ITGAM: variants seen among roughly 807,000 people sequenced by gnomAD.
ITGAM encodes integrin alpha-M.
In ITGAM, 79 loss-of-function variants were observed where a neutral mutation model predicts 137.5. That is an observed-to-expected ratio of 0.57 (90% confidence interval 0.48 to 0.69). The LOEUF (loss-of-function observed/expected upper bound fraction) is 0.69. ITGAM is among the 30% of genes least tolerant of loss of function. The probability of loss-of-function intolerance (pLI) is 0.00; values close to 1 mark genes in which losing one functional copy is unlikely to be tolerated. For missense variants in ITGAM, 1,343 were observed against 1,483.5 expected, an observed-to-expected ratio of 0.91 and a Z score of 1.56; for synonymous variants, 583 against 592.3, an observed-to-expected ratio of 0.98 and a Z score of 0.23.
chr16:31,325,355 C>G lies in ITGAM; in HGVS notation c.2456C>G (p.Thr819Ser). The change falls in exon 20 of 30, where the codon ACC (threonine) becomes AGC (serine). Residue 819 changes from threonine (T) to serine (S), a missense_variant. Physicochemically the swap from Thr to Ser is moderately conservative, Grantham distance 58 (BLOSUM62 1). Coordinates refer to ENST00000544665, the MANE Select transcript of ITGAM (RefSeq NM_000632.4). ...GAGGACTCCTACAGGACACAGGTCA[C>G]CTTCTTCTTCCCGCTTGACCTGTCC... Reference protein sequence around the residue: ...DGEDSYRTQVTFFFPLDLSYR... With the variant: ...DGEDSYRTQVSFFFPLDLSYR... 6.2e-7 allele frequency: 1 copy of G among 1,613,948 alleles called. No individual in the cohort carries two copies. Among genetic ancestry groups the G allele is most frequent in the Non-Finnish European group, 8.5e-7 (1 of 1,179,832 alleles).
intron 2 of ITGAM, among the ~76,000 whole-genome samples, chr16:31,262,380 CTTCCTTCCTTCCTTCCTTCCTTCA>C (rs2079714209): frequency 7.0e-6 from 1 of 141,968 alleles, no homozygotes; most frequent in African/African-American, 2.7e-5. Context: ...TCCTTCCTTC[CTTCCTTCCTTCCTTCCTTCCTTCA>C]TTTCTTTCTT....
intron 12 of ITGAM, among the ~76,000 whole-genome samples, chr16:31,287,961 C>T (rs1225507197): frequency 6.6e-6 from 1 of 152,092 alleles, no homozygotes; most frequent in Non-Finnish European, 1.5e-5. Context: ...CAAGTACACG[C>T]ACATTACCAT....
chr16:31,285,822 A>T (rs2080023514), intron 12 of ITGAM, among the ~76,000 whole-genome samples: 1 of 147,476 alleles, frequency 6.8e-6, no homozygotes, highest in Non-Finnish European at 1.5e-5. Context: ...TTTTAGAGAC[A>T]GGGTCTCACT....
chr16:31,310,904 CTTCT>C (rs1355630756), intron 14 of ITGAM, among the ~76,000 whole-genome samples: 4 of 152,050 alleles, frequency 2.6e-5, no homozygotes, highest in African/African-American at 7.2e-5. Context: ...GTTAGTTTTC[CTTCT>C]AACAGTCAGG....
intron 24 of ITGAM, among the ~76,000 whole-genome samples, 196 bp from the exon 25 acceptor site, chr16:31,329,602 C>T (rs1327488174): frequency 6.6e-6 from 1 of 152,136 alleles, no homozygotes; most frequent in Non-Finnish European, 1.5e-5. Flanking sequence ...GGTCTCCCAC[C>T]GAGTAAGTGG....
rs374240979 is a variant in ITGAM at position 31,326,944 on chromosome 16, T to A, written c.2708+9T>A. ...AAGGCCAATGTGACCAGGTGCTCTC[T>A]GCTACCAGGCTTCTGCAGGCAGTTG... is the stretch of plus-strand genomic sequence containing the variant. On this transcript the variant is annotated intron_variant, in intron 22 of 29. Transcript: ENST00000544665. 44 of 1,606,210 alleles carry A rather than the reference T, an allele frequency of 2.7e-5. No individual in the cohort carries two copies. The highest frequency in any genetic ancestry group is 3.6e-5 in the Non-Finnish European group (42 of 1,172,906).
In ITGAM at chr16:31,310,745, C is replaced by T. The variant is rs1049606664; in HGVS notation, c.1708-10496C>T. On this transcript the variant is annotated intron_variant, in intron 14 of 29. Transcript: ENST00000544665. ...TTGTTCCGTTGCTGGTGAGGAGCTGCGTTCCTTTGTAGGAGGAGAGGCGCT... is the reference window on the plus strand; with the variant it reads ...TTGTTCCGTTGCTGGTGAGGAGCTGTGTTCCTTTGTAGGAGGAGAGGCGCT... Among the ~76,000 whole-genome samples the T allele has an allele frequency of 3.3e-5, 5 of 152,316 alleles. No homozygotes were observed. In the East Asian group the frequency reaches 5.8e-4, roughly 18 times the overall value.
chr16:31,321,149 G>A (rs1255199450), intron 14 of ITGAM, 92 bp from the exon 15 acceptor site: 1 of 1,411,924 alleles, frequency 7.1e-7, no homozygotes, highest in Non-Finnish European at 9.8e-7. Context: ...AGAGCTTAGA[G>A]AACCTCTGTC....
chr16:31,301,932 C>T (rs9888739), intron 14 of ITGAM, among the ~76,000 whole-genome samples: 38,223 of 151,968 alleles, frequency 0.25, 7,873 homozygotes, highest in African/African-American at 0.57. Context: ...GTTGTAACTA[C>T]GATCTGTAAT....
chr16:31,278,149 C>A, intron 12 of ITGAM, 40 bp downstream of exon 12: 1 of 1,569,844 alleles, frequency 6.4e-7, no homozygotes, highest in Non-Finnish European at 8.7e-7. Context: ...CAAACAGAGG[C>A]GCCCTGGGGT....
In ITGAM at chr16:31,332,642, A is replaced by C. The variant is rs2080603130; in HGVS notation, c.*935A>C. ...TACACACACACAAGCTTTTTTACAC[A>C]AATGGTAGCATACTTTATATTGGTC... On this transcript the variant is annotated 3_prime_UTR_variant, in exon 30 of 30. Coordinates refer to ENST00000544665, the MANE Select transcript of ITGAM (RefSeq NM_000632.4). 1 of 146,644 alleles carries C rather than the reference A, an allele frequency of 6.8e-6. No homozygotes were observed. The highest frequency in any genetic ancestry group is 6.7e-5 in the Admixed American group (1 of 14,908). 9.1% of individuals were successfully genotyped at this position (146,644 alleles called of 1,614,324 possible).
chr16:31,265,146 G>T (rs1294147083), intron 2 of ITGAM, among the ~76,000 whole-genome samples: 2 of 152,148 alleles, frequency 1.3e-5, no homozygotes, highest in Admixed American at 1.3e-4. Flanking sequence ...AGGATTACAA[G>T]CATGAGCCAC....
intron 2 of ITGAM, among the ~76,000 whole-genome samples, chr16:31,264,724 A>C (rs2144253794): frequency 6.6e-6 from 1 of 152,138 alleles, no homozygotes; most frequent in Middle Eastern, 3.4e-3. Flanking sequence ...CATTTTTTGT[A>C]GAGATGGGGT....
chr16:31,266,747 T>G (rs184390125), intron 5 of ITGAM, among the ~76,000 whole-genome samples: 1 of 151,928 alleles, frequency 6.6e-6, no homozygotes, highest in East Asian at 1.9e-4. Flanking sequence ...GAGGAGGGGA[T>G]GGTGCAAGGT....
chr16:31,315,052 A>T (rs1174878353), intron 14 of ITGAM, among the ~76,000 whole-genome samples: 1 of 152,028 alleles, frequency 6.6e-6, no homozygotes. Context: ...ATCTCAAGTG[A>T]TTCACCTGCC....
intron 14 of ITGAM, among the ~76,000 whole-genome samples, chr16:31,319,923 C>T (rs112033445): frequency 0.012 from 1,894 of 152,068 alleles, 36 homozygotes; most frequent in African/African-American, 0.043. Flanking sequence ...GGCCATTCTT[C>T]TGCCTCAGCC....
intron 12 of ITGAM, among the ~76,000 whole-genome samples, chr16:31,291,283 G>A (rs751508049): frequency 3.3e-5 from 5 of 152,130 alleles, no homozygotes; most frequent in Non-Finnish European, 7.4e-5. Context: ...ATTGTGAATA[G>A]TGCTGCGATA....
chr16:31,318,354 T>TA (rs1360878846), intron 14 of ITGAM, among the ~76,000 whole-genome samples: 1 of 150,366 alleles, frequency 6.7e-6, no homozygotes, highest in Non-Finnish European at 1.5e-5. Context: ...CTTTTTTTTT[T>TA]TTTTTTTGAG....
At chr16:31,279,396 C>T (rs1435325885) in intron 12 of ITGAM, among the ~76,000 whole-genome samples, 4 of 152,260 alleles carry the variant, frequency 2.6e-5, no homozygotes, top group East Asian at 3.9e-4. Context: ...CTCTCCAGCA[C>T]GTGTTGTTTC....
Sources: gnomAD v4.1 joint callset for allele counts (sites outside exome capture counted in the v4.1 genomes callset) on GRCh38, gnomAD v4.1.1 for gene constraint, MANE v1.5 for transcripts, NCBI Gene and HGNC (gene_info 2026-07-23, HGNC 2026-07-21) for gene names.